Variants in GRIN2B observed in about 807,000 individuals in gnomAD.
The protein encoded by GRIN2B is glutamate receptor ionotropic, NMDA 2B.
GRIN2B carries 5 observed loss-of-function variants against 114.5 expected under a neutral mutation model. That is an observed-to-expected ratio of 0.04 (90% confidence interval 0.02 to 0.09). The LOEUF (loss-of-function observed/expected upper bound fraction) is 0.09. Ranked by LOEUF, GRIN2B falls within the 10% of genes least tolerant of loss-of-function variation. The pLI is 1.00. For missense variants in GRIN2B, 1,108 were observed against 1,943.5 expected (o/e 0.57, Z 8.08); for synonymous variants, 787 against 745.1 (o/e 1.06, Z -0.92).
chr12:13,836,244 C>T (rs921920932), intron 3 of GRIN2B, among the ~76,000 whole-genome samples: 4 of 152,206 alleles, frequency 2.6e-5, no homozygotes, highest in East Asian at 1.9e-4. Flanking sequence ...GGAGACTTGA[C>T]GGGCATGTGA....
At chr12:13,697,438 A>G (rs1311494777) in intron 4 of GRIN2B, among the ~76,000 whole-genome samples, 1 of 152,094 alleles carries the variant, frequency 6.6e-6, no homozygotes, top group African/African-American at 2.4e-5. Flanking sequence ...AGCTTTTGGG[A>G]ACACCTGACT....
intron 5 of GRIN2B, among the ~76,000 whole-genome samples, chr12:13,653,340 G>T (rs1315701619): frequency 6.6e-6 from 1 of 152,134 alleles, no homozygotes; most frequent in Non-Finnish European, 1.5e-5. Context: ...AGGCTTAAAA[G>T]AAGGGGGTTG....
At chr12:13,585,370 T>C (rs977359531) in intron 10 of GRIN2B, among the ~76,000 whole-genome samples, 4 of 152,142 alleles carry the variant, frequency 2.6e-5, no homozygotes, top group African/African-American at 9.7e-5. Flanking sequence ...ATCTGTCAGT[T>C]CCAAATTGAG....
intron 4 of GRIN2B, among the ~76,000 whole-genome samples, chr12:13,739,130 C>T (rs1228371768): frequency 1.3e-5 from 2 of 151,996 alleles, no homozygotes; most frequent in African/African-American, 4.8e-5. Flanking sequence ...CCTGTAATCC[C>T]AGCACTTTGG....
intron 4 of GRIN2B, among the ~76,000 whole-genome samples, chr12:13,740,222 T>C (rs565475742): frequency 1.3e-3 from 204 of 152,326 alleles, no homozygotes; most frequent in Non-Finnish European, 2.3e-3. Flanking sequence ...GCTAGTCTTT[T>C]AGGCAATTCA....
chr12:13,875,177 C>T lies in GRIN2B; in HGVS notation c.-18-8951G>A, dbSNP rs139823031. 6.9e-3 allele frequency among the ~76,000 whole-genome samples: 1,056 copies of T among 152,030 alleles called. 15 individuals carry two copies. The highest frequency in any genetic ancestry group is 0.024 in the African/African-American group (1,011 of 41,438). On this transcript the variant is annotated intron_variant, in intron 2 of 13. Coordinates refer to ENST00000609686, the MANE Select transcript of GRIN2B (RefSeq NM_000834.5). ...TTTATAAGTTTACCTATGTAACAAA[C>T]CTGCACATCCTGCATATGTACCCCA...
intron 3 of GRIN2B, among the ~76,000 whole-genome samples, chr12:13,778,034 T>C (rs1864037613): frequency 6.6e-6 from 1 of 152,262 alleles, no homozygotes; most frequent in Admixed American, 6.5e-5. Flanking sequence ...GCATCCATTC[T>C]GTGAGCTTAA....
intron 4 of GRIN2B, among the ~76,000 whole-genome samples, chr12:13,691,711 A>G (rs1386007024): frequency 6.6e-6 from 1 of 152,208 alleles, no homozygotes; most frequent in Non-Finnish European, 1.5e-5. Flanking sequence ...GAAATGTGAG[A>G]GAACAAGCAC....
rs925225060 is a variant in GRIN2B at position 13,549,317 on chromosome 12, T to C, written c.*13466A>G. On this transcript the variant is annotated 3_prime_UTR_variant, in exon 14 of 14. Transcript: ENST00000609686. ...TAATTTTGGAGCCCCCATGCTTCCC[T>C]TTCTTCAGGATTTTGGCAGGCAGTA... 3.3e-5 allele frequency: 5 copies of C among 152,184 alleles called. No homozygotes were observed. Among genetic ancestry groups the C allele is most frequent in the African/African-American group, 9.7e-5 (4 of 41,436 alleles). The allele number at this position is 152,184 out of a possible 1,614,324, so 9.4% of individuals were successfully genotyped here.
At chr12:13,611,996 A>C (rs1297673033) in intron 8 of GRIN2B, 146 bp from the exon 9 acceptor site, 3 of 776,596 alleles carry the variant, frequency 3.9e-6, no homozygotes, top group Non-Finnish European at 6.7e-6. Context: ...CCTAGGTTAG[A>C]TTGTACTGAA....
In GRIN2B at chr12:13,721,085, G is replaced by A. The variant is rs1347810805; in HGVS notation, c.1010+32232C>T. Reference sequence around the variant, plus strand: ...GGGTAGGCAGGAAAGGCCATTCTGAGCAAATAGTAGTTAAACTGAGACCTA... The same window carrying A: ...GGGTAGGCAGGAAAGGCCATTCTGAACAAATAGTAGTTAAACTGAGACCTA... On this transcript the variant is annotated intron_variant, in intron 4 of 13. Coordinates refer to ENST00000609686, the MANE Select transcript of GRIN2B (RefSeq NM_000834.5). 2.6e-5 allele frequency among the ~76,000 whole-genome samples: 4 copies of A among 152,032 alleles called. No individual in the cohort carries two copies. In the East Asian group the frequency reaches 5.8e-4, roughly 22 times the overall value.
chr12:13,583,169 T>C (rs1237378462), intron 10 of GRIN2B, among the ~76,000 whole-genome samples: 1 of 152,166 alleles, frequency 6.6e-6, no homozygotes, highest in Non-Finnish European at 1.5e-5. Flanking sequence ...AAACCACATA[T>C]AAGCCACTGA....
rs565177386 is a variant in GRIN2B at position 13,597,959 on chromosome 12, T to TAAAACTC, written c.2010+10637_2010+10643dup. Among the ~76,000 whole-genome samples the TAAAACTC allele has an allele frequency of 1.4e-3, 212 of 152,308 alleles. 1 individual carries two copies. Among genetic ancestry groups the TAAAACTC allele is most frequent in the African/African-American group, 4.8e-3 (199 of 41,568 alleles). ...CAGTGGCTATCATCTAGCCAAGAAA[T>TAAAACTC]AAAACTCAACGTGATGCCAGCTCTT... is the stretch of plus-strand genomic sequence containing the variant. On this transcript the variant is annotated intron_variant, in intron 10 of 13. Transcript: ENST00000609686.
At chr12:13,932,410 A>T (rs1867050814) in intron 2 of GRIN2B, among the ~76,000 whole-genome samples, 2 of 152,258 alleles carry the variant, frequency 1.3e-5, no homozygotes, top group African/African-American at 4.8e-5. Flanking sequence ...GTCCTCCACT[A>T]GCAAGTCAGT....
At chr12:13,851,626 T>C (rs1865567518) in intron 3 of GRIN2B, among the ~76,000 whole-genome samples, 1 of 152,198 alleles carries the variant, frequency 6.6e-6, no homozygotes, top group Admixed American at 6.5e-5. Context: ...TCTCCCCTGT[T>C]GATTTCAAAG....
intron 4 of GRIN2B, among the ~76,000 whole-genome samples, chr12:13,678,176 T>C (rs887072814): frequency 6.6e-6 from 1 of 152,134 alleles, no homozygotes; most frequent in Non-Finnish European, 1.5e-5. Context: ...GCCCTTTGTT[T>C]TGGGTTAAAT....
At chr12:13,701,245 T>C (rs773930012) in intron 4 of GRIN2B, among the ~76,000 whole-genome samples, 1 of 152,120 alleles carries the variant, frequency 6.6e-6, no homozygotes, top group Non-Finnish European at 1.5e-5. Context: ...GGGATTACAA[T>C]TCAAGGTGAG....
chr12:13,886,402 A>C (rs1199459965), intron 2 of GRIN2B, among the ~76,000 whole-genome samples: 1 of 152,154 alleles, frequency 6.6e-6, no homozygotes, highest in East Asian at 1.9e-4. Flanking sequence ...AAGCTCAACC[A>C]ATTAGGAAAA....
chr12:13,618,727 A>C (rs954452609), intron 5 of GRIN2B, among the ~76,000 whole-genome samples: 1 of 152,216 alleles, frequency 6.6e-6, no homozygotes, highest in Non-Finnish European at 1.5e-5. Flanking sequence ...TGATACAGTT[A>C]ACTTCACTAT....
Sources: gnomAD v4.1 joint callset for allele counts (sites outside exome capture counted in the v4.1 genomes callset) on GRCh38, gnomAD v4.1.1 for gene constraint, MANE v1.5 for transcripts, NCBI Gene and HGNC (gene_info 2026-07-23, HGNC 2026-07-21) for gene names.